The following SIM1 variants were observed in gnomAD, a reference collection of about 807,000 sequenced individuals.
The protein encoded by SIM1 is SIM bHLH transcription factor 1.
SIM1 carries 18 observed loss-of-function variants against 78.2 expected under a neutral mutation model. That is an observed-to-expected ratio of 0.23 (90% CI 0.16 to 0.34). The LOEUF (loss-of-function observed/expected upper bound fraction) is 0.34. Ranked by LOEUF, SIM1 falls within the 10% of genes least tolerant of loss-of-function variation. The probability of loss-of-function intolerance (pLI) is 1.00; values close to 1 mark genes in which losing one functional copy is unlikely to be tolerated. For missense variants in SIM1, 939 were observed against 975.1 expected (o/e 0.96, Z 0.49); for synonymous variants, 417 against 385.2 (o/e 1.08, Z -0.97).
At chr6:100,404,471 A>G (rs1433255787) in intron 10 of SIM1, among the ~76,000 whole-genome samples, 1 of 152,230 alleles carries the variant, frequency 6.6e-6, no homozygotes, top group Non-Finnish European at 1.5e-5. Context: ...TGTCTGAACC[A>G]TGAGAAAAGA....
chr6:100,440,169 C>G (rs1221228552), intron 9 of SIM1, among the ~76,000 whole-genome samples: 2 of 152,148 alleles, frequency 1.3e-5, no homozygotes, highest in Admixed American at 1.3e-4. Flanking sequence ...GCTATATTCT[C>G]TCTCTATATT....
At position 100,387,203 on chromosome 6, in the gene SIM1, C is replaced by T. The variant is rs1770532572; in HGVS notation, c.*3158G>A. 1 of 151,912 alleles carries T rather than the reference C, an allele frequency of 6.6e-6. No homozygotes were observed. The allele number at this position is 151,912 out of a possible 1,614,324, so 9.4% of individuals were successfully genotyped here. A position where few individuals can be genotyped will look rare whatever the true frequency, so the allele number is the denominator to read the frequency against. On this transcript the variant is annotated 3_prime_UTR_variant, in exon 12 of 12. Transcript: ENST00000369208. ...GGATAGAGCACATTTTTATGTATCC[C>T]CAAGGTGATATGAAAATCATACTTC...
At chr6:100,450,440 T>C in intron 3 of SIM1, 84 bp from the exon 4 acceptor site, 6 of 1,254,412 alleles carry the variant, frequency 4.8e-6, no homozygotes, top group Non-Finnish European at 7.0e-6. Flanking sequence ...TTAGTGACTT[T>C]CAGCCAAAAG....
At chr6:100,449,250 C>CT (rs2114541865) in intron 6 of SIM1, 113 bp downstream of exon 6, 1 of 828,518 alleles carries the variant, frequency 1.2e-6, no homozygotes, top group South Asian at 1.6e-5. Flanking sequence ...TCGACGCAAG[C>CT]TGGGGGTGCC....
At chr6:100,463,180 C>T (rs1246831614) in intron 2 of SIM1, 114 bp downstream of exon 2, 56 of 971,824 alleles carry the variant, frequency 5.8e-5, no homozygotes, top group Non-Finnish European at 7.5e-5. Context: ...CTTCCCTTTG[C>T]AAAATATATA....
chr6:100,450,468 G>C, intron 3 of SIM1, 112 bp from the exon 4 acceptor site: 1 of 891,314 alleles, frequency 1.1e-6, no homozygotes, highest in Non-Finnish European at 1.8e-6. Flanking sequence ...AGATGGAGTG[G>C]AGCAGGTTTG....
At chr6:100,448,060 G>C (rs983979414) in intron 8 of SIM1, 86 bp downstream of exon 8, 26 of 1,112,612 alleles carry the variant, frequency 2.3e-5, no homozygotes, top group Non-Finnish European at 3.4e-5. Context: ...CTGTCCTCTT[G>C]CGAGGGATTT....
intron 2 of SIM1, among the ~76,000 whole-genome samples, chr6:100,458,846 C>T (rs1772759838): frequency 2.0e-5 from 3 of 152,262 alleles, no homozygotes; most frequent in Admixed American, 2.0e-4. Flanking sequence ...ACTGTTTTAG[C>T]ACTTTAAGAG....
Position 100,386,094 on chromosome 6 carries a change from A to C in SIM1, c.*4267T>G, listed in dbSNP as rs1222627687. 6.6e-6 allele frequency: 1 copy of C among 152,068 alleles called. No individual in the cohort carries two copies. The highest frequency in any genetic ancestry group is 1.5e-5 in the Non-Finnish European group (1 of 67,920). 9.4% of individuals were successfully genotyped at this position (152,068 alleles called of 1,614,324 possible). A position where few individuals can be genotyped will look rare whatever the true frequency, so the allele number is the denominator to read the frequency against. On this transcript the variant is annotated 3_prime_UTR_variant, in exon 12 of 12. Transcript: ENST00000369208. ...CTATTCACAAAAACTTGACATTTAC[A>C]TAAACGTTGAATCATTTATTTGGAG...
chr6:100,431,154 G>T (rs1003670641), intron 9 of SIM1, among the ~76,000 whole-genome samples: 3 of 152,098 alleles, frequency 2.0e-5, no homozygotes, highest in Admixed American at 6.5e-5. Context: ...AAAAATGATG[G>T]CATGATGCAA....
chr6:100,464,410 G>T (rs533774241), intron 1 of SIM1, among the ~76,000 whole-genome samples: 4 of 152,156 alleles, frequency 2.6e-5, no homozygotes, highest in African/African-American at 9.6e-5. Flanking sequence ...CAAGTCTCTC[G>T]GGACTCCCAA....
At chr6:100,440,354 T>C (rs76292590) in intron 9 of SIM1, among the ~76,000 whole-genome samples, 24 of 152,322 alleles carry the variant, frequency 1.6e-4, no homozygotes, top group African/African-American at 5.8e-4. Context: ...CATGCCTTTG[T>C]TTCACAGATT....
rs545134646 is a variant in SIM1, at chr6:100,402,844, G to C, written c.1168-8955C>G. 2.8e-3 allele frequency among the ~76,000 whole-genome samples: 421 copies of C among 152,118 alleles called. 2 individuals carry two copies. Among genetic ancestry groups the C allele is most frequent in the African/African-American group, 9.8e-3 (407 of 41,516 alleles). ...ACCCGCCTCGGCCTCCCAAAGTGCT[G>C]GGATTACAGGCGTGAGCCACCGCGC... On this transcript the variant is annotated intron_variant, in intron 10 of 11. Transcript: ENST00000369208.
chr6:100,461,396 G>A (rs1432999519), intron 2 of SIM1, among the ~76,000 whole-genome samples: 1 of 152,128 alleles, frequency 6.6e-6, no homozygotes, highest in South Asian at 2.1e-4. Context: ...TTCCCTGGCC[G>A]GCCGACTCCC....
chr6:100,447,221 A>G, intron 9 of SIM1, 47 bp downstream of exon 9: 1 of 1,597,052 alleles, frequency 6.3e-7, no homozygotes. Context: ...TCTCGCAGAG[A>G]GCAGGGTCGC....
chr6:100,428,577 G>T (rs7750003), intron 9 of SIM1, among the ~76,000 whole-genome samples: 7,873 of 151,278 alleles, frequency 0.052, 247 homozygotes, highest in Middle Eastern at 0.082. Flanking sequence ...GAATGGACAT[G>T]CTTATATACT....
chr6:100,393,866 T>C lies in SIM1; in HGVS notation c.1191A>G (p.Arg397=), dbSNP rs771200384. ...ACTGGCTGTCATGATCAGATTCCGA[T>C]CTTTCTGTGTGAAATCCCGAATACT... ...YPQYSGFHTE[R]SESDHDSQWG... is the part of the protein sequence containing the mutation. The change falls in exon 11 of 12, where the codon AGA becomes AGG. Residue 397 remains arginine, a synonymous_variant. Coordinates refer to ENST00000369208, the MANE Select transcript of SIM1 (RefSeq NM_005068.3). 1 of 1,568,694 alleles carries C rather than the reference T, an allele frequency of 6.4e-7. No individual in the cohort carries two copies. Among genetic ancestry groups the C allele is most frequent in the South Asian group, 1.2e-5 (1 of 85,456 alleles).
chr6:100,393,696 G>C lies in SIM1; in HGVS notation c.1361C>G (p.Ser454Trp), dbSNP rs754625496. Residue 454 changes from serine to tryptophan, a missense_variant, in exon 11 of 12, where the codon TCG becomes TGG. Coordinates refer to ENST00000369208, the MANE Select transcript of SIM1 (RefSeq NM_005068.3). ...GAAATGCCTCTCTTCCACCAGCCTC[G>C]AGTGGTCAAGCGCAAAGCCATAGCA... ...SLCYGFALDH[S>W]RLVEERHFHT... The C allele has an allele frequency of 6.2e-7, 1 of 1,614,078 alleles. No homozygotes were observed. Among genetic ancestry groups the C allele is most frequent in the South Asian group, 1.1e-5 (1 of 91,068 alleles).
intron 2 of SIM1, 189 bp downstream of exon 2, chr6:100,463,105 G>C: frequency 1.9e-6 from 1 of 533,304 alleles, no homozygotes; most frequent in East Asian, 2.9e-5. Context: ...GAGGTAGAGG[G>C]AGCCTCAAAA....
Sources: gnomAD v4.1 joint callset for allele counts (sites outside exome capture counted in the v4.1 genomes callset) on GRCh38, gnomAD v4.1.1 for gene constraint, MANE v1.5 for transcripts, NCBI Gene and HGNC (gene_info 2026-07-23, HGNC 2026-07-21) for gene names.